Variants in OR2A25 observed in about 807,000 individuals in gnomAD.
The protein encoded by OR2A25 is olfactory receptor 2A25.
For synonymous variants in OR2A25, 162 were observed against 148.1 expected (o/e 1.09, Z -0.68); for missense variants, 362 against 368.3 (o/e 0.98, Z 0.14).
chr7:144,075,134 A>G lies in OR2A25; in HGVS notation c.915A>G (p.Glu305=), dbSNP rs2051103498. The change falls in exon 2 of 2, where the codon GAA becomes GAG. Residue 305 remains glutamate (E), a synonymous_variant. Coordinates refer to ENST00000641663, the MANE Select transcript of OR2A25 (RefSeq NM_001386096.1). ...AAGGTACTCTAAAGAGGATGCTTGA[A>G]AAGAAGAGAACTTCATGAAAGCCTG... The part of the protein sequence containing the change: ...EVQGTLKRML[E]KKRTS 1.9e-6 allele frequency: 3 copies of G among 1,607,638 alleles called. No homozygotes were observed. Among genetic ancestry groups the G allele is most frequent in the Non-Finnish European group, 2.5e-6 (3 of 1,177,610 alleles).
rs538492481 is a variant in OR2A25, at chr7:144,072,768, C to T, written c.-4-1448C>T. 5.9e-5 allele frequency among the ~76,000 whole-genome samples: 9 copies of T among 152,088 alleles called. No individual in the cohort carries two copies. The South Asian group carries it at 1.7e-3, about 28-fold the overall frequency. ...ATATATCCAAAAGAAATGAAGTGAACATATCAAAAAGATATCTTCACAGCC... is the reference window on the plus strand; with the variant it reads ...ATATATCCAAAAGAAATGAAGTGAATATATCAAAAAGATATCTTCACAGCC... On this transcript the variant is annotated intron_variant, in intron 1 of 1. Coordinates refer to ENST00000641663, the MANE Select transcript of OR2A25 (RefSeq NM_001386096.1).
chr7:144,071,125 AT>A lies in OR2A25; in HGVS notation c.-5+1236del, dbSNP rs1344415256. Among the ~76,000 whole-genome samples the A allele has an allele frequency of 1.1e-4, 16 of 150,828 alleles. 1 individual carries two copies. In the South Asian group the frequency reaches 3.4e-3, roughly 32 times the overall value. ...TAATAGGTCTTATTCATTCTTTTTA[AT>A]TTTTTTGTACCCATTAATGATCCCC... On this transcript the variant is annotated intron_variant, in intron 1 of 1. Coordinates refer to ENST00000641663, the MANE Select transcript of OR2A25 (RefSeq NM_001386096.1).
At chr7:144,073,412 A>G (rs1376778420) in intron 1 of OR2A25, among the ~76,000 whole-genome samples, 1 of 151,880 alleles carries the variant, frequency 6.6e-6, no homozygotes, top group Non-Finnish European at 1.5e-5. Context: ...ATTTGCAAAA[A>G]ACAGAAAAAT....
chr7:144,070,016 A>G (rs1282797608), intron 1 of OR2A25, 120 bp downstream of exon 1: 2 of 152,176 alleles, frequency 1.3e-5, no homozygotes, highest in Non-Finnish European at 1.5e-5. Flanking sequence ...CATGAATCCT[A>G]CACTGACTGA....
In OR2A25 at chr7:144,075,335, C is replaced by T. The variant is rs919401546; in HGVS notation, c.*183C>T. The T allele has an allele frequency of 9.2e-6, 5 of 540,578 alleles. No homozygotes were observed. The allele number at this position is 540,578 out of a possible 1,614,324, so 33.5% of individuals were successfully genotyped here. ...CTCTCTCCAGCATTGAAGGTCGGAG[C>T]TGCACAATTAATAAAAATATGTTTA... On this transcript the variant is annotated 3_prime_UTR_variant, in exon 2 of 2. Transcript: ENST00000641663.
chr7:144,074,983 T>A lies in OR2A25; in HGVS notation c.764T>A (p.Ile255Asn), dbSNP rs1189046246. 6.2e-7 allele frequency: 1 copy of A among 1,614,180 alleles called. No homozygotes were observed. Among genetic ancestry groups the A allele is most frequent in the Admixed American group, 1.7e-5 (1 of 60,024 alleles). Residue 255 changes from isoleucine (I) to asparagine (N), a missense_variant, in exon 2 of 2, where the codon ATC (isoleucine) becomes AAC (asparagine). Physicochemically the swap from Ile to Asn is moderately radical, Grantham distance 149. Coordinates refer to ENST00000641663, the MANE Select transcript of OR2A25 (RefSeq NM_001386096.1). ...CVVGLFYGTA[I>N]IMYVEPQYES... ...GTTGGACTCTTTTATGGCACAGCCA[T>A]CATCATGTATGTTGAGCCCCAGTAT...
At position 144,074,937 on chromosome 7, in the gene OR2A25, T is replaced by G; in HGVS notation, c.718T>G (p.Cys240Gly). 1 of 1,614,156 alleles carries G rather than the reference T, an allele frequency of 6.2e-7. No individual in the cohort carries two copies. Among genetic ancestry groups the G allele is most frequent in the Non-Finnish European group, 8.5e-7 (1 of 1,180,004 alleles). Residue 240 changes from cysteine to glycine, a missense_variant, in exon 2 of 2, where the codon TGC becomes GGC. Cys to Gly is a radical substitution (Grantham distance 159). Transcript: ENST00000641663. ...GGGGTGCCAGAAAGCCTTCTCCATC[T>G]GCTCCTCCCACCTCTGTGTGGTTGG... ...GEGCQKAFSI[C>G]SSHLCVVGLF... is the part of the protein sequence containing the mutation.
Position 144,074,344 on chromosome 7 carries a change from G to A in OR2A25, c.125G>A (p.Gly42Glu). 1 of 1,614,004 alleles carries A rather than the reference G, an allele frequency of 6.2e-7. No individual in the cohort carries two copies. ...TACATCTTCATTCTGTTGGGGAACG[G>A]GACAATCCTGGGGCTCATCTCACTG... Reference protein sequence around the residue: ...LFYIFILLGNGTILGLISLDS... With the variant: ...LFYIFILLGNETILGLISLDS... Residue 42 changes from glycine (G) to glutamate (E), a missense_variant, in exon 2 of 2, where the codon GGG (glycine) becomes GAG (glutamate). By Grantham distance (98) the Gly-to-Glu change is moderately conservative. Transcript: ENST00000641663.
At position 144,075,837 on chromosome 7, in the gene OR2A25, A is replaced by G. The variant is rs1290407364; in HGVS notation, c.*685A>G. 2.0e-5 allele frequency: 3 copies of G among 151,102 alleles called. No individual in the cohort carries two copies. The East Asian group carries it at 5.8e-4, about 29-fold the overall frequency. 9.4% of individuals were successfully genotyped at this position (151,102 alleles called of 1,614,324 possible). The stretch of plus-strand genomic sequence containing the variant: ...CACAGCGAGACTCCGTCTCAAAAAA[A>G]AAAAAAAGAAAGTGTCATATTTAGG... On this transcript the variant is annotated 3_prime_UTR_variant, in exon 2 of 2. Coordinates refer to ENST00000641663, the MANE Select transcript of OR2A25 (RefSeq NM_001386096.1).
intron 1 of OR2A25, 96 bp from the exon 2 acceptor site, chr7:144,074,120 T>C (rs2051087999): frequency 8.7e-7 from 1 of 1,152,010 alleles, no homozygotes; most frequent in South Asian, 1.5e-5. Flanking sequence ...AGGTGTTTTC[T>C]TAGAAAACAC....
At chr7:144,073,937 T>G (rs2051086512) in intron 1 of OR2A25, among the ~76,000 whole-genome samples, 1 of 152,180 alleles carries the variant, frequency 6.6e-6, no homozygotes, top group Non-Finnish European at 1.5e-5. Flanking sequence ...TTAAGGCAAT[T>G]TAAGTATTAA....
At chr7:144,070,733 A>G (rs898641336) in intron 1 of OR2A25, among the ~76,000 whole-genome samples, 1 of 152,072 alleles carries the variant, frequency 6.6e-6, no homozygotes, top group Non-Finnish European at 1.5e-5. Context: ...CATAAGAAGA[A>G]GAGTGACACA....
At position 144,075,211 on chromosome 7, in the gene OR2A25, C is replaced by A; in HGVS notation, c.*59C>A. On this transcript the variant is annotated 3_prime_UTR_variant, in exon 2 of 2. Transcript: ENST00000641663. Reference sequence around the variant, plus strand: ...AAGGGCTTTGAGATTACATCTGAACCCATCCCTACTCAGGATACATAATCA... The same window carrying A: ...AAGGGCTTTGAGATTACATCTGAACACATCCCTACTCAGGATACATAATCA... The A allele has an allele frequency of 1.7e-6, 2 of 1,201,702 alleles. No homozygotes were observed. Among genetic ancestry groups the A allele is most frequent in the Non-Finnish European group, 2.4e-6 (2 of 840,696 alleles). The allele number at this position is 1,201,702 out of a possible 1,614,324, so 74.4% of individuals were successfully genotyped here. A position where few individuals can be genotyped will look rare whatever the true frequency, so the allele number is the denominator to read the frequency against.
At chr7:144,070,127 GC>G (rs776206495) in intron 1 of OR2A25, among the ~76,000 whole-genome samples, 3 of 152,076 alleles carry the variant, frequency 2.0e-5, no homozygotes, top group Non-Finnish European at 4.4e-5. Flanking sequence ...GGAGCAGATG[GC>G]AGTGTGCGTG....
At chr7:144,072,883 T>A (rs1389842446) in intron 1 of OR2A25, among the ~76,000 whole-genome samples, 2 of 152,188 alleles carry the variant, frequency 1.3e-5, no homozygotes, top group Non-Finnish European at 2.9e-5. Context: ...GTGATATATA[T>A]ACACAATGGT....
At chr7:144,070,798 A>G (rs1019262632) in intron 1 of OR2A25, among the ~76,000 whole-genome samples, 1 of 152,106 alleles carries the variant, frequency 6.6e-6, no homozygotes, top group African/African-American at 2.4e-5. Context: ...AAACATGAGA[A>G]TTATCATATT....
At chr7:144,074,126 A>G (rs2051088085) in intron 1 of OR2A25, 90 bp from the exon 2 acceptor site, 9 of 1,197,436 alleles carry the variant, frequency 7.5e-6, no homozygotes, top group Non-Finnish European at 1.1e-5. Context: ...TTTCTTAGAA[A>G]ACACTCAAAC....
chr7:144,071,010 C>A (rs995585566), intron 1 of OR2A25, among the ~76,000 whole-genome samples: 1 of 151,958 alleles, frequency 6.6e-6, no homozygotes, highest in Admixed American at 6.6e-5. Flanking sequence ...CAATTACATT[C>A]TTTAATGTGA....
rs1457795842 is a variant in OR2A25 at position 144,074,280 on chromosome 7, A to G, written c.61A>G (p.Arg21Gly). ...CCTACTGGGATTTCCCATTGGCCCAAGGATTCAGATGCTCCTCTTTGGGCT... is the reference window on the plus strand; with the variant it reads ...CCTACTGGGATTTCCCATTGGCCCAGGGATTCAGATGCTCCTCTTTGGGCT... ...FLLLGFPIGP[R>G]IQMLLFGLFS... The change falls in exon 2 of 2, where the codon AGG becomes GGG. Residue 21 changes from arginine to glycine, a missense_variant. Arg to Gly is a moderately radical substitution (Grantham distance 125). Coordinates refer to ENST00000641663, the MANE Select transcript of OR2A25 (RefSeq NM_001386096.1). 4 of 1,614,012 alleles carry G rather than the reference A, an allele frequency of 2.5e-6. No individual in the cohort carries two copies. Among genetic ancestry groups the G allele is most frequent in the Non-Finnish European group, 2.5e-6 (3 of 1,179,880 alleles).
Sources: gnomAD v4.1 joint callset for allele counts (sites outside exome capture counted in the v4.1 genomes callset) on GRCh38, gnomAD v4.1.1 for gene constraint, MANE v1.5 for transcripts, NCBI Gene and HGNC (gene_info 2026-07-23, HGNC 2026-07-21) for gene names.